The following CARMIL1 variants were observed in gnomAD, a reference collection of about 807,000 sequenced individuals.
CARMIL1 encodes F-actin-uncapping protein LRRC16A.
Under a neutral mutation model 177.1 loss-of-function variants are expected in CARMIL1, and 90 were observed. That is an observed-to-expected ratio of 0.51 (90% CI 0.43 to 0.61). The LOEUF (loss-of-function observed/expected upper bound fraction) is 0.61. Among genes scored for constraint, CARMIL1 ranks in the 20% least tolerant of loss-of-function variants. CARMIL1 has a pLI of 0.00. For missense variants in CARMIL1, 1,380 were observed against 1,667.0 expected (o/e 0.83, Z 3.00); for synonymous variants, 577 against 606.2 (o/e 0.95, Z 0.71).
chr6:25,612,170 A>G (rs1816558632), intron 36 of CARMIL1, among the ~76,000 whole-genome samples: 2 of 152,232 alleles, frequency 1.3e-5, no homozygotes, highest in Admixed American at 1.3e-4. Flanking sequence ...GAAAATGTAC[A>G]TGAAGTCTGG....
intron 2 of CARMIL1, among the ~76,000 whole-genome samples, chr6:25,373,647 A>G (rs1790665617): frequency 6.7e-6 from 1 of 149,258 alleles, no homozygotes; most frequent in Non-Finnish European, 1.5e-5. Context: ...CAGTGGTGCG[A>G]TCATGGCTCA....
intron 2 of CARMIL1, among the ~76,000 whole-genome samples, chr6:25,331,873 A>C (rs758059865): frequency 2.0e-5 from 3 of 152,232 alleles, no homozygotes; most frequent in Non-Finnish European, 4.4e-5. Context: ...TTCTTTAAGG[A>C]CCTATGAATA....
intron 7 of CARMIL1, 52 bp from the exon 8 acceptor site, chr6:25,450,586 T>C: frequency 8.5e-7 from 1 of 1,177,822 alleles, no homozygotes; most frequent in Non-Finnish European, 1.3e-6. Context: ...CTCTCTTGCT[T>C]TCCTGGTCAT....
At chr6:25,441,320 C>CATATATATATATATATATATATATATAT (rs199573016) in intron 5 of CARMIL1, among the ~76,000 whole-genome samples, 1 of 99,626 alleles carries the variant, frequency 1.0e-5, no homozygotes, top group African/African-American at 4.0e-5. Flanking sequence ...AACAAACAAA[C>CATATATATATATATATATATATATATAT]ATATATATAT....
chr6:25,384,498 T>C (rs780319412), intron 2 of CARMIL1, among the ~76,000 whole-genome samples: 19 of 152,258 alleles, frequency 1.2e-4, no homozygotes, highest in Admixed American at 2.6e-4. Flanking sequence ...GGCCTTGGAC[T>C]CGTGTGTCCG....
At chr6:25,448,481 C>G (rs1047286367) in intron 5 of CARMIL1, among the ~76,000 whole-genome samples, 2 of 152,298 alleles carry the variant, frequency 1.3e-5, no homozygotes, top group East Asian at 3.9e-4. Context: ...CACACCTCCT[C>G]TCACCATGCT....
intron 2 of CARMIL1, among the ~76,000 whole-genome samples, chr6:25,293,265 GGTGTGTGTGTGTGTGTGT>G (rs57127326): frequency 7.4e-6 from 1 of 134,298 alleles, no homozygotes; most frequent in African/African-American, 2.7e-5. Flanking sequence ...AAGGATGCTT[GGTGTGTGTGTGTGTGTGT>G]GTGTGTGTGT....
intron 20 of CARMIL1, among the ~76,000 whole-genome samples, chr6:25,512,213 A>G (rs1805522119): frequency 6.6e-6 from 1 of 152,154 alleles, no homozygotes; most frequent in South Asian, 2.1e-4. Context: ...TGTTTTGCTC[A>G]TTATGTGAGG....
chr6:25,281,006 C>G (rs1242510830), intron 1 of CARMIL1, among the ~76,000 whole-genome samples: 1 of 152,084 alleles, frequency 6.6e-6, no homozygotes, highest in Admixed American at 6.6e-5. Flanking sequence ...GCAGGTAAAA[C>G]TTGATGTAGA....
intron 2 of CARMIL1, among the ~76,000 whole-genome samples, chr6:25,359,597 A>G (rs978908085): frequency 1.3e-5 from 2 of 152,206 alleles, no homozygotes; most frequent in Admixed American, 1.3e-4. Flanking sequence ...CACTCTGATG[A>G]TCCAGCAGCC....
chr6:25,583,532 A>G (rs1463002166), intron 31 of CARMIL1, among the ~76,000 whole-genome samples: 1 of 151,648 alleles, frequency 6.6e-6, no homozygotes, highest in Admixed American at 6.6e-5. Context: ...CTCATTGGAT[A>G]AGTAGGTGGA....
At chr6:25,345,687 G>A (rs7766986) in intron 2 of CARMIL1, among the ~76,000 whole-genome samples, 8,050 of 152,124 alleles carry the variant, frequency 0.053, 667 homozygotes, top group African/African-American at 0.18. Flanking sequence ...CGTGATTTCC[G>A]CTCACTGCAA....
chr6:25,304,617 G>C (rs757811937), intron 2 of CARMIL1, among the ~76,000 whole-genome samples: 2 of 152,128 alleles, frequency 1.3e-5, no homozygotes. Flanking sequence ...GTAATGTTTG[G>C]TCACCTGCCG....
intron 29 of CARMIL1, among the ~76,000 whole-genome samples, chr6:25,578,788 A>C (rs1812841765): frequency 1.3e-5 from 2 of 152,180 alleles, no homozygotes; most frequent in African/African-American, 4.8e-5. Flanking sequence ...TGGGAAATGT[A>C]ATTAGAAGTT....
intron 2 of CARMIL1, among the ~76,000 whole-genome samples, chr6:25,416,906 A>T (rs1182754784): frequency 1.3e-5 from 2 of 152,158 alleles, no homozygotes; most frequent in Non-Finnish European, 2.9e-5. Context: ...TGTGGACCTA[A>T]GCTTTTTGGA....
intron 2 of CARMIL1, among the ~76,000 whole-genome samples, chr6:25,409,103 A>T (rs1212252159): frequency 6.6e-6 from 1 of 152,182 alleles, no homozygotes; most frequent in Non-Finnish European, 1.5e-5. Flanking sequence ...TTATCCCATC[A>T]CCATATAGAA....
intron 29 of CARMIL1, among the ~76,000 whole-genome samples, chr6:25,574,990 C>T (rs561261142): frequency 6.6e-6 from 1 of 152,346 alleles, no homozygotes; most frequent in South Asian, 2.1e-4. Flanking sequence ...CTGATTGGCA[C>T]TGTTTGCCAG....
At chr6:25,358,152 A>C (rs1386054020) in intron 2 of CARMIL1, among the ~76,000 whole-genome samples, 1 of 152,210 alleles carries the variant, frequency 6.6e-6, no homozygotes, top group Non-Finnish European at 1.5e-5. Flanking sequence ...TTCTGAGCAA[A>C]ATTGTGAGCA....
intron 2 of CARMIL1, among the ~76,000 whole-genome samples, chr6:25,308,632 T>G (rs2150196397): frequency 6.6e-6 from 1 of 152,050 alleles, no homozygotes; most frequent in South Asian, 2.1e-4. Context: ...CCACCTGCCT[T>G]GGCCTCCCAA....
Sources: gnomAD v4.1 joint callset for allele counts (sites outside exome capture counted in the v4.1 genomes callset) on GRCh38, gnomAD v4.1.1 for gene constraint, MANE v1.5 for transcripts, NCBI Gene and HGNC (gene_info 2026-07-23, HGNC 2026-07-21) for gene names.